The following FER variants were observed in gnomAD, a reference collection of about 807,000 sequenced individuals.
The protein encoded by FER is FER tyrosine kinase.
A neutral mutation model predicts 111.0 loss-of-function variants in FER; 63 were observed. The ratio of observed to expected loss-of-function variants is 0.57; its 90% CI spans 0.46 to 0.70. The LOEUF is 0.70. FER is among the 30% of genes least tolerant of loss of function. The pLI is 0.00. For missense variants in FER, 914 were observed against 954.0 expected, an observed-to-expected ratio of 0.96 and a Z score of 0.55; for synonymous variants, 327 against 313.9, an observed-to-expected ratio of 1.04 and a Z score of -0.44.
chr5:109,041,541 C>T (rs1479835113), intron 14 of FER, among the ~76,000 whole-genome samples: 1 of 151,992 alleles, frequency 6.6e-6, no homozygotes, highest in East Asian at 1.9e-4. Context: ...ACAACATTTG[C>T]ATTATTGGTA....
At chr5:108,995,729 G>A (rs1763902580) in intron 13 of FER, among the ~76,000 whole-genome samples, 2 of 152,084 alleles carry the variant, frequency 1.3e-5, no homozygotes, top group South Asian at 4.2e-4. Flanking sequence ...TAAAACATAC[G>A]TGTGCATGTG....
intron 16 of FER, among the ~76,000 whole-genome samples, chr5:109,056,246 C>A (rs1773631143): frequency 6.6e-6 from 1 of 152,158 alleles, no homozygotes; most frequent in Non-Finnish European, 1.5e-5. Flanking sequence ...AATTTAATCA[C>A]CGCTTGTAAA....
intron 5 of FER, among the ~76,000 whole-genome samples, chr5:108,860,897 G>A (rs1763451580): frequency 6.6e-6 from 1 of 152,184 alleles, no homozygotes; most frequent in Non-Finnish European, 1.5e-5. Flanking sequence ...AGGTGAGAGA[G>A]ACTGAGCAAG....
chr5:108,959,217 C>T lies in FER; in HGVS notation c.1534-8C>T, dbSNP rs1161373791. On this transcript the variant is annotated splice_polypyrimidine_tract_variant and splice_region_variant and intron_variant, in intron 12 of 19. Transcript: ENST00000281092. Reference sequence around the variant, plus strand: ...CACATTTATTCTACCTTATTGTTCTCTCTCCAGAACATGTATCGATTCGAG... The same window carrying T: ...CACATTTATTCTACCTTATTGTTCTTTCTCCAGAACATGTATCGATTCGAG... The T allele has an allele frequency of 6.2e-7, 1 of 1,609,050 alleles. No individual in the cohort carries two copies. Among genetic ancestry groups the T allele is most frequent in the Admixed American group, 1.7e-5 (1 of 59,420 alleles).
intron 13 of FER, among the ~76,000 whole-genome samples, chr5:109,024,434 A>G (rs572805481): frequency 2.0e-5 from 3 of 152,258 alleles, no homozygotes; most frequent in Non-Finnish European, 4.4e-5. Flanking sequence ...AAAGCAGTGG[A>G]GAGAGGTCCT....
chr5:109,108,724 C>A (rs943356373), intron 17 of FER, among the ~76,000 whole-genome samples: 4 of 152,136 alleles, frequency 2.6e-5, no homozygotes, highest in African/African-American at 7.2e-5. Context: ...AAGTAACTCA[C>A]TTTTTCTAGT....
intron 13 of FER, among the ~76,000 whole-genome samples, chr5:109,025,994 G>T (rs1183996500): frequency 1.3e-5 from 2 of 152,112 alleles, no homozygotes; most frequent in Non-Finnish European, 2.9e-5. Flanking sequence ...TTGGCTCTGA[G>T]AGTTTTTTAG....
At chr5:109,035,525 T>A (rs1770261518) in intron 13 of FER, among the ~76,000 whole-genome samples, 1 of 152,226 alleles carries the variant, frequency 6.6e-6, no homozygotes, top group Admixed American at 6.5e-5. Context: ...AATGTGTTTA[T>A]CAGTTTTCTT....
At chr5:108,956,770 T>C (rs909878088) in intron 12 of FER, among the ~76,000 whole-genome samples, 3 of 151,586 alleles carry the variant, frequency 2.0e-5, no homozygotes, top group Non-Finnish European at 3.0e-5. Flanking sequence ...TAAGATGATA[T>C]AGACAGTTTT....
intron 17 of FER, among the ~76,000 whole-genome samples, chr5:109,103,349 A>C (rs1232835404): frequency 6.6e-6 from 1 of 152,128 alleles, no homozygotes; most frequent in Non-Finnish European, 1.5e-5. Context: ...TTCCCAAAAT[A>C]GTGTTTTTAA....
chr5:108,978,408 A>T (rs558326685), intron 13 of FER, among the ~76,000 whole-genome samples: 15 of 152,246 alleles, frequency 9.9e-5, no homozygotes, highest in African/African-American at 3.6e-4. Context: ...GTTATTTCAT[A>T]CCTTTCTATC....
chr5:109,159,995 C>T (rs1755828746), intron 17 of FER, among the ~76,000 whole-genome samples: 1 of 152,146 alleles, frequency 6.6e-6, no homozygotes, highest in Non-Finnish European at 1.5e-5. Flanking sequence ...GGGATCCCAA[C>T]TTAAACCTTG....
At chr5:108,873,450 T>C (rs531728151) in intron 8 of FER, among the ~76,000 whole-genome samples, 5 of 152,146 alleles carry the variant, frequency 3.3e-5, no homozygotes, top group Non-Finnish European at 7.4e-5. Context: ...CAGCCAGGTT[T>C]TGGAATCTTT....
At chr5:108,810,401 G>C (rs1466118114) in intron 3 of FER, among the ~76,000 whole-genome samples, 1 of 152,216 alleles carries the variant, frequency 6.6e-6, no homozygotes, top group Non-Finnish European at 1.5e-5. Flanking sequence ...ACCTCTCCAG[G>C]CTGGGGAGCA....
At chr5:109,003,523 G>A (rs2149786643) in intron 13 of FER, among the ~76,000 whole-genome samples, 1 of 152,126 alleles carries the variant, frequency 6.6e-6, no homozygotes, top group East Asian at 1.9e-4. Context: ...GCTAAATGAC[G>A]AGTTTATGAG....
chr5:108,881,342 G>C (rs1484624348), intron 8 of FER, among the ~76,000 whole-genome samples: 1 of 152,128 alleles, frequency 6.6e-6, no homozygotes, highest in African/African-American at 2.4e-5. Flanking sequence ...ATGGCAGCAG[G>C]CAAAGAGAGT....
chr5:108,815,089 T>A (rs1325950052), intron 3 of FER, among the ~76,000 whole-genome samples: 2 of 152,134 alleles, frequency 1.3e-5, no homozygotes, highest in Non-Finnish European at 2.9e-5. Flanking sequence ...TTTCTTTTAG[T>A]GGGGAAAATA....
intron 16 of FER, among the ~76,000 whole-genome samples, chr5:109,094,368 C>T (rs1043366076): frequency 2.0e-5 from 3 of 152,068 alleles, no homozygotes; most frequent in African/African-American, 7.2e-5. Flanking sequence ...CAAAATGCTC[C>T]TTAAAATCTA....
chr5:109,154,054 T>C (rs530361834), intron 17 of FER, among the ~76,000 whole-genome samples: 79 of 149,516 alleles, frequency 5.3e-4, no homozygotes, highest in African/African-American at 1.7e-3. Flanking sequence ...CTAGCAAGAG[T>C]ATAGTTAATA....
Sources: allele counts gnomAD v4.1 joint callset (sites outside exome capture counted in the v4.1 genomes callset), GRCh38; gene constraint gnomAD v4.1.1; transcripts MANE v1.5; gene names NCBI Gene and HGNC (gene_info 2026-07-23, HGNC 2026-07-21).